DOCK3: variants seen among roughly 807,000 people sequenced by gnomAD.
DOCK3 encodes dedicator of cytokinesis 3, also known as dedicator of cytokinesis protein 3.
A neutral mutation model predicts 265.6 loss-of-function variants in DOCK3; 60 were observed. That is an observed-to-expected ratio of 0.23 (90% CI 0.18 to 0.28). DOCK3 has a LOEUF of 0.28. Ranked by LOEUF, DOCK3 falls within the 10% of genes least tolerant of loss-of-function variation. DOCK3 has a pLI of 1.00. For missense variants in DOCK3, 1,981 were observed against 2,594.3 expected, an observed-to-expected ratio of 0.76 and a Z score of 5.14; for synonymous variants, 881 against 938.0, an observed-to-expected ratio of 0.94 and a Z score of 1.11.
chr3:50,851,875 C>T (rs2046371698), intron 3 of DOCK3, among the ~76,000 whole-genome samples: 1 of 152,240 alleles, frequency 6.6e-6, no homozygotes, highest in Non-Finnish European at 1.5e-5. Context: ...TGCCAGATTG[C>T]CAAAGAATGG....
intron 12 of DOCK3, among the ~76,000 whole-genome samples, chr3:51,167,065 G>T (rs955303287): frequency 6.6e-6 from 1 of 151,994 alleles, no homozygotes; most frequent in Non-Finnish European, 1.5e-5. Context: ...TTTTATTTCT[G>T]TTTTCTCCTA....
At chr3:50,862,923 C>T (rs12639243) in intron 3 of DOCK3, among the ~76,000 whole-genome samples, 37,106 of 152,122 alleles carry the variant, frequency 0.24, 5,686 homozygotes, top group East Asian at 0.39. Flanking sequence ...ACACGTGTCA[C>T]CCTCCAGTGG....
At position 50,693,865 on chromosome 3, in the gene DOCK3, C is replaced by T. The variant is rs74726635; in HGVS notation, c.37+18565C>T. ...CTTTTCATATCATTCTCATGTTGTT[C>T]GTATACAGAAATACAACTGGTTTTT... On this transcript the variant is annotated intron_variant, in intron 1 of 52. Coordinates refer to ENST00000266037, the MANE Select transcript of DOCK3 (RefSeq NM_004947.5). Among the ~76,000 whole-genome samples the T allele has an allele frequency of 1.4e-3, 206 of 151,924 alleles. 4 individuals carry two copies. In the East Asian group the frequency reaches 0.032, roughly 23 times the overall value.
intron 4 of DOCK3, among the ~76,000 whole-genome samples, chr3:50,925,626 C>A (rs926655042): frequency 6.6e-6 from 1 of 151,958 alleles, no homozygotes; most frequent in African/African-American, 2.4e-5. Flanking sequence ...GGGTAGTCTT[C>A]TTTGTGTCCG....
At chr3:51,177,247 CAAAG>C (rs1327886553) in intron 12 of DOCK3, among the ~76,000 whole-genome samples, 1 of 152,064 alleles carries the variant, frequency 6.6e-6, no homozygotes, top group African/African-American at 2.4e-5. Flanking sequence ...TGATTCAAAA[CAAAG>C]AAACAATAAC....
chr3:50,675,248 C>G lies in DOCK3; in HGVS notation c.-16C>G. The G allele has an allele frequency of 8.4e-7, 1 of 1,193,344 alleles. No individual in the cohort carries two copies. The highest frequency in any genetic ancestry group is 1.0e-6 in the Non-Finnish European group (1 of 953,980). 73.9% of individuals were successfully genotyped at this position (1,193,344 alleles called of 1,614,324 possible). On this transcript the variant is annotated 5_prime_UTR_variant, in exon 1 of 53. Coordinates refer to ENST00000266037, the MANE Select transcript of DOCK3 (RefSeq NM_004947.5). This position sits in a 1 kb window ranked among gnomAD's most constrained non-coding sequence, Gnocchi z 6.1. ...CGCCCGGTCGCCGCGCCCGCGGGGC[C>G]GCGCCCGGCACGGCCATGTGGACCC... is the stretch of plus-strand genomic sequence containing the variant.
chr3:51,202,238 T>C (rs1462119087), intron 12 of DOCK3, among the ~76,000 whole-genome samples: 2 of 147,318 alleles, frequency 1.4e-5, no homozygotes, highest in East Asian at 4.0e-4. Flanking sequence ...AGCTGGTTTT[T>C]TGAAAGAATC....
chr3:50,986,027 G>A (rs1029708275), intron 5 of DOCK3, among the ~76,000 whole-genome samples: 1 of 151,628 alleles, frequency 6.6e-6, no homozygotes, highest in Non-Finnish European at 1.5e-5. Flanking sequence ...TTTATATATT[G>A]TCACTCCCCA....
intron 2 of DOCK3, among the ~76,000 whole-genome samples, chr3:50,813,583 G>A (rs2043888202): frequency 6.6e-6 from 1 of 152,048 alleles, no homozygotes; most frequent in Non-Finnish European, 1.5e-5. Context: ...ATATTTTAAA[G>A]TTGAAAATCA....
At chr3:50,969,729 G>A (rs1559876325) in intron 5 of DOCK3, among the ~76,000 whole-genome samples, 1 of 152,280 alleles carries the variant, frequency 6.6e-6, no homozygotes, top group Non-Finnish European at 1.5e-5. Context: ...CATTCATGAT[G>A]AAACTTAGTT....
At chr3:51,209,225 A>G (rs1337313331) in intron 13 of DOCK3, among the ~76,000 whole-genome samples, 1 of 152,238 alleles carries the variant, frequency 6.6e-6, no homozygotes, top group African/African-American at 2.4e-5. Context: ...ATAGCTAGAT[A>G]TCTATATAGA....
At chr3:51,333,346 T>C (rs1455321158) in intron 35 of DOCK3, 93 bp downstream of exon 35, 3 of 1,236,638 alleles carry the variant, frequency 2.4e-6, no homozygotes, top group Admixed American at 3.4e-5. Context: ...GACCATGTGC[T>C]CTTCATGGGG....
intron 1 of DOCK3, among the ~76,000 whole-genome samples, chr3:50,756,321 G>A (rs1488491539): frequency 6.6e-6 from 1 of 151,996 alleles, no homozygotes; most frequent in Non-Finnish European, 1.5e-5. Flanking sequence ...CAATTCCTGC[G>A]ATCTTATTGG....
At chr3:51,062,980 A>T (rs1575936106) in intron 5 of DOCK3, among the ~76,000 whole-genome samples, 2 of 152,166 alleles carry the variant, frequency 1.3e-5, no homozygotes, top group East Asian at 3.9e-4. Context: ...TACCATCAGG[A>T]TGCTTAACTT....
At chr3:51,248,889 C>G (rs374293420) in intron 22 of DOCK3, among the ~76,000 whole-genome samples, 1 of 116,298 alleles carries the variant, frequency 8.6e-6, no homozygotes, top group Non-Finnish European at 1.9e-5. Context: ...GCCGCCACCC[C>G]GTCTGGGAGG....
At chr3:51,209,891 A>G (rs2089413374) in intron 13 of DOCK3, among the ~76,000 whole-genome samples, 1 of 152,156 alleles carries the variant, frequency 6.6e-6, no homozygotes, top group South Asian at 2.1e-4. Context: ...GCCTCTCACT[A>G]TTTTTAAATG....
In DOCK3 at chr3:50,733,451, T is replaced by G. The variant is rs189881443; in HGVS notation, c.38-45224T>G. On this transcript the variant is annotated intron_variant, in intron 1 of 52. Transcript: ENST00000266037. ...ACTACTGTTATATTCCCTTCATGAATTGACCCCTTAATCATTATATAATGC... is the reference window on the plus strand; with the variant it reads ...ACTACTGTTATATTCCCTTCATGAAGTGACCCCTTAATCATTATATAATGC... Among the ~76,000 whole-genome samples the G allele has an allele frequency of 1.6e-4, 24 of 152,338 alleles. 1 individual carries two copies. The highest frequency in any genetic ancestry group is 4.4e-5 in the Non-Finnish European group (3 of 68,024).
intron 6 of DOCK3, among the ~76,000 whole-genome samples, chr3:51,068,539 GAAAAAAAAAAA>G (rs1160597168): frequency 4.4e-5 from 2 of 45,702 alleles, no homozygotes; most frequent in African/African-American, 6.9e-5. Context: ...GACTCCGTCT[GAAAAAAAAAAA>G]AAAAAAAAAA....
chr3:50,891,461 T>C (rs2048637212), intron 4 of DOCK3, among the ~76,000 whole-genome samples: 1 of 152,128 alleles, frequency 6.6e-6, no homozygotes. Flanking sequence ...AAACAACTTA[T>C]ACATCTCATG....
Sources: gnomAD v4.1 joint callset for allele counts (sites outside exome capture counted in the v4.1 genomes callset) on GRCh38, gnomAD v4.1.1 for gene constraint, Gnocchi (gnomAD v3.1) non-coding constraint, MANE v1.5 for transcripts, NCBI Gene and HGNC (gene_info 2026-07-23, HGNC 2026-07-21) for gene names.